MYO10: variants seen among roughly 807,000 people sequenced by gnomAD.
MYO10 encodes the protein unconventional myosin-X.
A neutral mutation model predicts 257.3 loss-of-function variants in MYO10; 133 were observed. That is an observed-to-expected ratio of 0.52 (90% CI 0.45 to 0.60). The LOEUF is 0.60. MYO10 is among the 20% of genes least tolerant of loss of function. The pLI is 0.00. For missense variants in MYO10, 2,399 were observed against 2,635.7 expected (o/e 0.91, Z 1.97); for synonymous variants, 1,104 against 1,028.6 (o/e 1.07, Z -1.40).
At chr5:16,717,543 A>C (rs577045626) in intron 19 of MYO10, among the ~76,000 whole-genome samples, 1 of 152,250 alleles carries the variant, frequency 6.6e-6, no homozygotes, top group Non-Finnish European at 1.5e-5. Context: ...AGTTTGCTAC[A>C]TTGTGAGTTC....
At position 16,761,536 on chromosome 5, in the gene MYO10, T is replaced by A. The variant is rs1560970895; in HGVS notation, c.1667A>T (p.Asp556Val). ...VKHYAGEVQY[D>V]VRGILEKNRD... ...GTTCTTCTCCAAGATACCTCGGACATCATATTGCACCTAGTTTTAATAAAT... is the reference window on the plus strand; with the variant it reads ...GTTCTTCTCCAAGATACCTCGGACAACATATTGCACCTAGTTTTAATAAAT... The change falls in exon 17 of 41, where the codon GAT (aspartate) becomes GTT (valine). Residue 556 changes from aspartate to valine, a missense_variant. By Grantham distance (152) the Asp-to-Val change is radical. Coordinates refer to ENST00000513610, the MANE Select transcript of MYO10 (RefSeq NM_012334.3). 1.2e-6 allele frequency: 2 copies of A among 1,612,256 alleles called. No individual in the cohort carries two copies. Among genetic ancestry groups the A allele is most frequent in the Middle Eastern group, 3.3e-4 (2 of 6,062 alleles).
chr5:16,925,703 T>G (rs1432116563), intron 1 of MYO10, among the ~76,000 whole-genome samples: 1 of 152,216 alleles, frequency 6.6e-6, no homozygotes. Flanking sequence ...TGAGCCACCG[T>G]GTCCGGCCTC....
intron 3 of MYO10, among the ~76,000 whole-genome samples, chr5:16,797,505 T>C (rs951690308): frequency 1.3e-5 from 2 of 151,874 alleles, no homozygotes; most frequent in African/African-American, 2.4e-5. Flanking sequence ...CGAAAGAAAA[T>C]ACTCAAACAC....
At chr5:16,703,653 C>T (rs1020766055) in intron 22 of MYO10, among the ~76,000 whole-genome samples, 3 of 152,064 alleles carry the variant, frequency 2.0e-5, no homozygotes, top group African/African-American at 7.2e-5. Context: ...CCGAGGCAGG[C>T]GGATGGATCA....
chr5:16,918,628 G>A lies in MYO10; in HGVS notation c.21+17160C>T, dbSNP rs573469250. ...AGCGATTCTCCTGCCTCAGCCTCCC[G>A]AATATGGGATCACAGGCATGCACCA... On this transcript the variant is annotated intron_variant, in intron 1 of 40. Coordinates refer to ENST00000513610, the MANE Select transcript of MYO10 (RefSeq NM_012334.3). Among the ~76,000 whole-genome samples, 244 of 145,722 alleles carry A rather than the reference G, an allele frequency of 1.7e-3. 1 individual carries two copies. Among genetic ancestry groups the A allele is most frequent in the Middle Eastern group, 3.9e-3 (1 of 256 alleles).
At position 16,663,325 on chromosome 5, in the gene MYO10, G is replaced by GTTTTTT. The variant is rs1561158360; in HGVS notation, c.*3366_*3367insAAAAAA. On this transcript the variant is annotated 3_prime_UTR_variant, in exon 41 of 41. Transcript: ENST00000513610. ...GGAAAAAAGTAACATTTTACTTCTAGTTGTTTTTTTTTTTTTTTTTTTTTT... is the reference window on the plus strand; with the variant it reads ...GGAAAAAAGTAACATTTTACTTCTAGTTTTTTTTGTTTTTTTTTTTTTTTTTTTTTT... 3 of 41,324 alleles carry GTTTTTT rather than the reference G, an allele frequency of 7.3e-5. No homozygotes were observed. The highest frequency in any genetic ancestry group is 1.3e-4 in the African/African-American group (1 of 7,436). The allele number at this position is 41,324 out of a possible 1,614,324, so 2.6% of individuals were successfully genotyped here. A position where few individuals can be genotyped will look rare whatever the true frequency, so the allele number is the denominator to read the frequency against.
intron 19 of MYO10, 108 bp from the exon 20 acceptor site, chr5:16,711,353 C>CA (rs1738605828): frequency 8.8e-7 from 1 of 1,141,038 alleles, no homozygotes; most frequent in African/African-American, 1.6e-5. Context: ...CTTCAAAACA[C>CA]ATACGAGAAT....
chr5:16,702,097 G>A (rs189153814), intron 24 of MYO10, among the ~76,000 whole-genome samples: 3 of 152,298 alleles, frequency 2.0e-5, no homozygotes, highest in East Asian at 3.9e-4. Flanking sequence ...TTGGGAACAG[G>A]AGACTAGGTC....
intron 4 of MYO10, among the ~76,000 whole-genome samples, chr5:16,786,322 T>G (rs999372044): frequency 3.9e-5 from 6 of 152,168 alleles, no homozygotes; most frequent in Non-Finnish European, 8.8e-5. Flanking sequence ...ATAAAGATGC[T>G]TCAAGAGTGT....
chr5:16,911,856 G>C (rs1745666820), intron 1 of MYO10, among the ~76,000 whole-genome samples: 1 of 152,048 alleles, frequency 6.6e-6, no homozygotes, highest in Non-Finnish European at 1.5e-5. Context: ...TGGCCAACAT[G>C]GTGAAACCCC....
At chr5:16,841,002 G>A (rs533860480) in intron 2 of MYO10, among the ~76,000 whole-genome samples, 22 of 152,040 alleles carry the variant, frequency 1.4e-4, no homozygotes, top group Admixed American at 1.0e-3. Flanking sequence ...AAAATTAGCC[G>A]GGCGTGGTGG....
At chr5:16,899,479 T>C (rs1031193527) in intron 1 of MYO10, among the ~76,000 whole-genome samples, 1 of 150,094 alleles carries the variant, frequency 6.7e-6, no homozygotes, top group African/African-American at 2.5e-5. Flanking sequence ...CTACTAAACA[T>C]ACAAAAAATT....
chr5:16,796,472 A>G (rs943562306), intron 3 of MYO10, among the ~76,000 whole-genome samples: 1 of 28,906 alleles, frequency 3.5e-5, no homozygotes. Flanking sequence ...AAGAAAGAAA[A>G]GAAAAGAAAA....
chr5:16,723,115 G>A (rs770077594), intron 19 of MYO10, among the ~76,000 whole-genome samples: 4 of 152,112 alleles, frequency 2.6e-5, no homozygotes, highest in Admixed American at 1.3e-4. Flanking sequence ...GGTGGCTCAC[G>A]CCTGTAATCC....
intron 3 of MYO10, among the ~76,000 whole-genome samples, chr5:16,814,293 C>T (rs538262188): frequency 9.9e-5 from 15 of 152,242 alleles, no homozygotes; most frequent in Middle Eastern, 3.4e-3. Context: ...AGGCGCCCGC[C>T]ACCACACCCG....
intron 12 of MYO10, 122 bp downstream of exon 12, chr5:16,764,128 C>G: frequency 8.8e-7 from 1 of 1,133,176 alleles, no homozygotes; most frequent in Non-Finnish European, 1.3e-6. Context: ...GCCTGGGATA[C>G]AGAGTGAGAC....
At chr5:16,874,352 GGGGGGGGT>G (rs1371948355) in intron 2 of MYO10, among the ~76,000 whole-genome samples, 2 of 110,500 alleles carry the variant, frequency 1.8e-5, no homozygotes, top group Admixed American at 9.7e-5. Flanking sequence ...AGCGGGGGGG[GGGGGGGGT>G]TTCTTTTCTA....
At chr5:16,858,984 C>A (rs1004395914) in intron 2 of MYO10, among the ~76,000 whole-genome samples, 7 of 151,970 alleles carry the variant, frequency 4.6e-5, no homozygotes, top group Non-Finnish European at 8.8e-5. Flanking sequence ...AAGTAACATA[C>A]ACCACTTGGC....
At chr5:16,919,558 T>C (rs964954162) in intron 1 of MYO10, among the ~76,000 whole-genome samples, 4 of 152,262 alleles carry the variant, frequency 2.6e-5, no homozygotes, top group South Asian at 2.1e-4. Context: ...AAAATAAAGA[T>C]GTAAACAATA....
Sources: allele counts gnomAD v4.1 joint callset (sites outside exome capture counted in the v4.1 genomes callset), GRCh38; gene constraint gnomAD v4.1.1; transcripts MANE v1.5; gene names NCBI Gene and HGNC (gene_info 2026-07-23, HGNC 2026-07-21).